The following TBPL2 variants were observed in gnomAD, a reference collection of about 807,000 sequenced individuals.
TBPL2 encodes TATA box-binding protein-like 2.
A neutral mutation model predicts 38.2 loss-of-function variants in TBPL2; 40 were observed. The ratio of observed to expected loss-of-function variants is 1.05; its 90% CI spans 0.81 to 1.36. The LOEUF is 1.36. TBPL2 is among the 40% of genes most tolerant of loss of function. The pLI is 0.00. For synonymous variants in TBPL2, 169 were observed against 171.7 expected, an observed-to-expected ratio of 0.98 and a Z score of 0.12; for missense variants, 461 against 456.7, an observed-to-expected ratio of 1.01 and a Z score of -0.09.
chr14:55,419,729 C>G (rs549298160), intron 6 of TBPL2, among the ~76,000 whole-genome samples: 1 of 152,292 alleles, frequency 6.6e-6, no homozygotes, highest in African/African-American at 2.4e-5. Context: ...TTTCAAAGAC[C>G]TGCAAATGGC....
chr14:55,420,103 C>T (rs1343706355), intron 6 of TBPL2, among the ~76,000 whole-genome samples: 3 of 152,186 alleles, frequency 2.0e-5, no homozygotes, highest in South Asian at 4.1e-4. Context: ...CAGACTCTTG[C>T]TCTGTTACCC....
intron 4 of TBPL2, among the ~76,000 whole-genome samples, chr14:55,430,695 C>A (rs1414574675): frequency 1.3e-5 from 2 of 152,210 alleles, no homozygotes; most frequent in Non-Finnish European, 2.9e-5. Context: ...CTGCACATGG[C>A]CATCTGTTGA....
rs746003742 is a variant in TBPL2, at chr14:55,437,038, G to GACA, written c.151-23_151-21dup. On this transcript the variant is annotated intron_variant, in intron 1 of 6. Transcript: ENST00000247219. ...GCCATCCTAGGCAGTTCCCAAAACA[G>GACA]ACAGACAAAAACACAACAGACAGAA... 6.2e-6 allele frequency: 10 copies of GACA among 1,605,344 alleles called. No individual in the cohort carries two copies. Among genetic ancestry groups the GACA allele is most frequent in the Non-Finnish European group, 7.7e-6 (9 of 1,172,556 alleles).
At chr14:55,435,502 C>T (rs995131000) in intron 3 of TBPL2, among the ~76,000 whole-genome samples, 2 of 152,084 alleles carry the variant, frequency 1.3e-5, no homozygotes, top group Non-Finnish European at 2.9e-5. Flanking sequence ...TCTCAAACTC[C>T]TGACCTCGTG....
chr14:55,415,641 G>C (rs1254589039), intron 6 of TBPL2, among the ~76,000 whole-genome samples: 1 of 152,134 alleles, frequency 6.6e-6, no homozygotes, highest in Non-Finnish European at 1.5e-5. Context: ...CAGGCAGGTG[G>C]ATCACCTGAG....
intron 4 of TBPL2, among the ~76,000 whole-genome samples, chr14:55,429,351 C>T (rs902293862): frequency 2.0e-5 from 3 of 152,262 alleles, no homozygotes; most frequent in African/African-American, 7.2e-5. Flanking sequence ...CCACCTCAGA[C>T]ATGCAGAAAC....
chr14:55,440,298 TGGTCGC>T, intron 1 of TBPL2, 92 bp downstream of exon 1: 1 of 1,437,802 alleles, frequency 7.0e-7, no homozygotes. Context: ...CCGCCTCTTA[TGGTCGC>T]TATGAGTTTT....
Position 55,437,051 on chromosome 14 carries a change from A to G in TBPL2, c.151-33T>C, listed in dbSNP as rs748568084. ...GTTCCCAAAACAGACAGACAAAAACACAACAGACAGAACAGCATGTTACAC... is the reference window on the plus strand; with the variant it reads ...GTTCCCAAAACAGACAGACAAAAACGCAACAGACAGAACAGCATGTTACAC... On this transcript the variant is annotated intron_variant, in intron 1 of 6. Coordinates refer to ENST00000247219, the Ensembl canonical transcript of TBPL2. The G allele has an allele frequency of 2.2e-5, 35 of 1,578,726 alleles. No individual in the cohort carries two copies. In the East Asian group the frequency reaches 7.4e-4, roughly 33 times the overall value.
At chr14:55,437,283 G>A (rs1886032503) in intron 1 of TBPL2, among the ~76,000 whole-genome samples, 1 of 152,232 alleles carries the variant, frequency 6.6e-6, no homozygotes, top group Non-Finnish European at 1.5e-5. Flanking sequence ...TTTGAGACTA[G>A]CCTGGCCAAT....
intron 5 of TBPL2, 108 bp from the exon 6 acceptor site, chr14:55,424,361 G>C: frequency 1.5e-6 from 1 of 655,952 alleles, no homozygotes. Flanking sequence ...TTGTAAATAA[G>C]TTAGCTATTT....
chr14:55,428,787 A>G lies in TBPL2; in HGVS notation c.956+20T>C, dbSNP rs368756619. 8.8e-6 allele frequency: 14 copies of G among 1,599,710 alleles called. No individual in the cohort carries two copies. The African/African-American group carries it at 1.9e-4, about 22-fold the overall frequency. On this transcript the variant is annotated intron_variant, in intron 5 of 6. Transcript: ENST00000247219. ...AAATATCTTGGTAAATTCAAAGTTC[A>G]AGCTATATAACCGTCATACCTACTG... is the stretch of plus-strand genomic sequence containing the variant.
intron 5 of TBPL2, among the ~76,000 whole-genome samples, chr14:55,425,226 A>G (rs1450012236): frequency 6.6e-6 from 1 of 151,784 alleles, no homozygotes; most frequent in Admixed American, 6.6e-5. Flanking sequence ...CTGGAACATC[A>G]CTCTGTCTTA....
At position 55,414,981 on chromosome 14, in the gene TBPL2, G is replaced by A. The variant is rs147877230; in HGVS notation, c.1052-526C>T. On this transcript the variant is annotated intron_variant, in intron 6 of 6. Transcript: ENST00000247219. ...GGGGAAAACTGTACTACTGTCACTC[G>A]TAAAGTCTTGTTTCAAGAAATTGTA... Among the ~76,000 whole-genome samples, 16 of 152,312 alleles carry A rather than the reference G, an allele frequency of 1.1e-4. No homozygotes were observed. In the East Asian group the frequency reaches 2.9e-3, roughly 28 times the overall value.
intron 6 of TBPL2, among the ~76,000 whole-genome samples, chr14:55,416,446 A>T (rs1055892330): frequency 1.3e-5 from 2 of 152,196 alleles, no homozygotes; most frequent in African/African-American, 2.4e-5. Context: ...AAGGAAAAAA[A>T]TAAAAAGAGA....
At chr14:55,437,144 T>G (rs1837331437) in intron 1 of TBPL2, 126 bp from the exon 2 acceptor site, 1 of 795,358 alleles carries the variant, frequency 1.3e-6, no homozygotes, top group Non-Finnish European at 2.0e-6. Flanking sequence ...CAAGATTGCT[T>G]GTATTCATGC....
chr14:55,425,710 T>G (rs1885810967), intron 5 of TBPL2, among the ~76,000 whole-genome samples: 1 of 152,138 alleles, frequency 6.6e-6, no homozygotes, highest in South Asian at 2.1e-4. Context: ...CCCAAGAAAA[T>G]CTTCCTTGAT....
intron 6 of TBPL2, among the ~76,000 whole-genome samples, chr14:55,416,096 G>T (rs1230531453): frequency 2.0e-5 from 3 of 152,104 alleles, no homozygotes; most frequent in Non-Finnish European, 4.4e-5. Flanking sequence ...AGAGGGGAAT[G>T]GGGGGAATGG....
intron 4 of TBPL2, among the ~76,000 whole-genome samples, chr14:55,432,670 A>C (rs1566594233): frequency 6.6e-6 from 1 of 152,226 alleles, no homozygotes; most frequent in Non-Finnish European, 1.5e-5. Context: ...TAGCAAATAT[A>C]AAAAGAATAT....
At chr14:55,415,442 C>T (rs138346170) in intron 6 of TBPL2, among the ~76,000 whole-genome samples, 14 of 152,284 alleles carry the variant, frequency 9.2e-5, no homozygotes, top group African/African-American at 3.4e-4. Context: ...AACAATTTCA[C>T]GCCTTGGTAA....
Sources: allele counts gnomAD v4.1 joint callset (sites outside exome capture counted in the v4.1 genomes callset), GRCh38; gene constraint gnomAD v4.1.1; transcripts MANE v1.5; gene names NCBI Gene and HGNC (gene_info 2026-07-23, HGNC 2026-07-21).